Variants in DPP10 observed in about 807,000 individuals in gnomAD.
DPP10 encodes inactive dipeptidyl peptidase 10.
In DPP10, 33 loss-of-function variants were observed where a neutral mutation model predicts 120.9. The ratio of observed to expected loss-of-function variants is 0.27; its 90% CI spans 0.21 to 0.37. The LOEUF is 0.37. Ranked by LOEUF, DPP10 falls within the 10% of genes least tolerant of loss-of-function variation. DPP10 has a pLI of 1.00. For missense variants in DPP10, 816 were observed against 942.8 expected (o/e 0.87, Z 1.76); for synonymous variants, 337 against 326.1 (o/e 1.03, Z -0.36).
intron 1 of DPP10, among the ~76,000 whole-genome samples, chr2:115,227,924 C>CTTTTTTTTTT (rs70941034): frequency 8.3e-6 from 1 of 120,460 alleles, no homozygotes; most frequent in Non-Finnish European, 1.8e-5. Flanking sequence ...CTTTTTTTTC[C>CTTTTTTTTTT]TTTTTTTTTT....
chr2:115,063,090 T>C (rs1311956038), intron 1 of DPP10, among the ~76,000 whole-genome samples: 1 of 152,146 alleles, frequency 6.6e-6, no homozygotes, highest in Non-Finnish European at 1.5e-5. Context: ...ATTTTGACTG[T>C]TGTGAGATGG....
At chr2:114,859,851 G>A (rs762351957) in intron 1 of DPP10, among the ~76,000 whole-genome samples, 2 of 152,092 alleles carry the variant, frequency 1.3e-5, no homozygotes. Flanking sequence ...CAATTACCAC[G>A]ATTTCAGGGC....
intron 7 of DPP10, among the ~76,000 whole-genome samples, chr2:115,723,572 C>T (rs2149619799): frequency 6.7e-6 from 1 of 149,080 alleles, no homozygotes; most frequent in African/African-American, 2.5e-5. Context: ...CATCACTGCT[C>T]ATTGCTCTCT....
intron 1 of DPP10, among the ~76,000 whole-genome samples, chr2:115,207,490 GT>G (rs1317776369): frequency 1.5e-5 from 2 of 134,968 alleles, no homozygotes; most frequent in Non-Finnish European, 3.1e-5. Flanking sequence ...TTAGTCAAAT[GT>G]TTGAGTGCCT....
chr2:115,814,259 G>GAAAC (rs920305551), intron 19 of DPP10, among the ~76,000 whole-genome samples: 1 of 151,610 alleles, frequency 6.6e-6, no homozygotes, highest in Non-Finnish European at 1.5e-5. Flanking sequence ...TTCCACCACA[G>GAAAC]AAACAAACAA....
chr2:114,652,225 A>G (rs1334242440), intron 1 of DPP10, among the ~76,000 whole-genome samples: 1 of 152,156 alleles, frequency 6.6e-6, no homozygotes, highest in African/African-American at 2.4e-5. Flanking sequence ...CTTTAAGTGA[A>G]TTTCTGGGGA....
At chr2:115,662,438 T>A (rs1372363526) in intron 5 of DPP10, among the ~76,000 whole-genome samples, 1 of 151,776 alleles carries the variant, frequency 6.6e-6, no homozygotes, top group Non-Finnish European at 1.5e-5. Flanking sequence ...TTTTTTATTT[T>A]TTTTTTTTAG....
intron 2 of DPP10, among the ~76,000 whole-genome samples, chr2:115,335,703 G>C (rs746869395): frequency 2.0e-5 from 3 of 152,124 alleles, no homozygotes; most frequent in South Asian, 2.1e-4. Context: ...GTTTCATCTA[G>C]CTGTGCAAGG....
chr2:114,997,750 G>T (rs1375736084), intron 1 of DPP10, among the ~76,000 whole-genome samples: 4 of 152,142 alleles, frequency 2.6e-5, no homozygotes, highest in African/African-American at 9.7e-5. Flanking sequence ...GAAGTCTGAA[G>T]AGATAAGGGA....
At chr2:114,746,180 T>C (rs936213348) in intron 1 of DPP10, among the ~76,000 whole-genome samples, 26 of 152,180 alleles carry the variant, frequency 1.7e-4, no homozygotes, top group African/African-American at 6.0e-4. Flanking sequence ...CCTGTTTCCT[T>C]TTATTCACCT....
intron 1 of DPP10, among the ~76,000 whole-genome samples, chr2:115,130,116 TAA>T (rs2050264797): frequency 6.6e-6 from 1 of 152,202 alleles, no homozygotes; most frequent in Non-Finnish European, 1.5e-5. Flanking sequence ...ACTCCAAAAA[TAA>T]AAGTTTCATT....
At chr2:114,667,199 ATAT>A (rs1221474578) in intron 1 of DPP10, among the ~76,000 whole-genome samples, 1 of 152,234 alleles carries the variant, frequency 6.6e-6, no homozygotes, top group African/African-American at 2.4e-5. Flanking sequence ...GATTAAACAA[ATAT>A]TATGTACCAG....
rs568108227 is a variant in DPP10 at position 115,354,599 on chromosome 2, C to G, written c.271+10687C>G. On this transcript the variant is annotated intron_variant, in intron 3 of 25. Transcript: ENST00000410059. ...ATTTTCTTTATTTCTTTTTTTTTTC[C>G]TTTAAGTTCATGTGCAGAACGTGCA... Among the ~76,000 whole-genome samples, 6 of 148,066 alleles carry G rather than the reference C, an allele frequency of 4.1e-5. 1 individual carries two copies. The South Asian group carries it at 1.3e-3, about 31-fold the overall frequency.
At chr2:114,694,229 T>C (rs1699935328) in intron 1 of DPP10, among the ~76,000 whole-genome samples, 1 of 151,870 alleles carries the variant, frequency 6.6e-6, no homozygotes, top group Admixed American at 6.6e-5. Flanking sequence ...AGAGAATTAA[T>C]TAATATAAAA....
At chr2:115,459,637 A>G (rs1468539310) in intron 3 of DPP10, among the ~76,000 whole-genome samples, 1 of 151,726 alleles carries the variant, frequency 6.6e-6, no homozygotes, top group Non-Finnish European at 1.5e-5. Context: ...TTAACTGACT[A>G]CTCTCTAGGG....
chr2:114,651,676 C>T (rs1696595257), intron 1 of DPP10, among the ~76,000 whole-genome samples: 1 of 151,994 alleles, frequency 6.6e-6, no homozygotes, highest in Admixed American at 6.6e-5. Context: ...TGCTTGGGCT[C>T]CCCTCTAGAC....
intron 3 of DPP10, among the ~76,000 whole-genome samples, chr2:115,435,835 T>G (rs533300800): frequency 1.3e-5 from 2 of 152,078 alleles, no homozygotes; most frequent in East Asian, 3.9e-4. Flanking sequence ...TGTCTTACAT[T>G]TAAGTCTACA....
At chr2:115,567,957 C>T (rs1048818189) in intron 5 of DPP10, among the ~76,000 whole-genome samples, 1 of 152,030 alleles carries the variant, frequency 6.6e-6, no homozygotes, top group African/African-American at 2.4e-5. Context: ...TGGTGGATCA[C>T]CTGAGGTCAG....
At chr2:114,869,837 C>T (rs998055198) in intron 1 of DPP10, among the ~76,000 whole-genome samples, 1 of 152,162 alleles carries the variant, frequency 6.6e-6, no homozygotes, top group African/African-American at 2.4e-5. Flanking sequence ...AAGGGACGGC[C>T]TCCAGAACCT....
Sources: gnomAD v4.1 joint callset for allele counts (sites outside exome capture counted in the v4.1 genomes callset) on GRCh38, gnomAD v4.1.1 for gene constraint, MANE v1.5 for transcripts, NCBI Gene and HGNC (gene_info 2026-07-23, HGNC 2026-07-21) for gene names.